CNTNAP2: variants seen among roughly 807,000 people sequenced by gnomAD.
CNTNAP2 encodes the protein contactin-associated protein-like 2.
In CNTNAP2, 98 loss-of-function variants were observed where a neutral mutation model predicts 155.2. That is an observed-to-expected ratio of 0.63 (90% confidence interval 0.54 to 0.75). CNTNAP2 has a LOEUF of 0.75. CNTNAP2 is among the 30% of genes least tolerant of loss of function. CNTNAP2 has a pLI of 0.00. For synonymous variants in CNTNAP2, 651 were observed against 631.2 expected (o/e 1.03, Z -0.47); for missense variants, 1,727 against 1,688.1 (o/e 1.02, Z -0.40).
chr7:146,686,356 T>C (rs1800599372), intron 1 of CNTNAP2, among the ~76,000 whole-genome samples: 1 of 152,160 alleles, frequency 6.6e-6, no homozygotes, highest in Admixed American at 6.5e-5. Flanking sequence ...CGATTGTACG[T>C]AGCCTGTATG....
chr7:147,781,762 G>GC (rs1467455802), intron 13 of CNTNAP2, among the ~76,000 whole-genome samples: 2 of 152,174 alleles, frequency 1.3e-5, no homozygotes, highest in Non-Finnish European at 2.9e-5. Context: ...GGTGGCTCAC[G>GC]CCGGTAATCC....
chr7:147,233,139 G>T (rs1418447926), intron 8 of CNTNAP2, among the ~76,000 whole-genome samples: 1 of 152,136 alleles, frequency 6.6e-6, no homozygotes, highest in East Asian at 1.9e-4. Flanking sequence ...TTTATAAACA[G>T]ATGACTTAAA....
intron 13 of CNTNAP2, among the ~76,000 whole-genome samples, chr7:147,875,559 T>A (rs1167690930): frequency 6.6e-6 from 1 of 152,010 alleles, no homozygotes; most frequent in Non-Finnish European, 1.5e-5. Context: ...ATGCTTCCAG[T>A]GAATAGACCT....
intron 8 of CNTNAP2, among the ~76,000 whole-genome samples, chr7:147,133,995 G>A (rs1801429177): frequency 6.6e-6 from 1 of 151,954 alleles, no homozygotes; most frequent in African/African-American, 2.4e-5. Context: ...CAGAAAAACA[G>A]ATAAAACAAA....
intron 1 of CNTNAP2, among the ~76,000 whole-genome samples, chr7:146,494,973 A>G (rs763103553): frequency 2.6e-5 from 4 of 152,258 alleles, no homozygotes; most frequent in Non-Finnish European, 5.9e-5. Flanking sequence ...AAACAAGATT[A>G]GTGATTCCCA....
In CNTNAP2 at chr7:146,182,192, A is replaced by T. The variant is rs573391543; in HGVS notation, c.97+65219A>T. ...AACTGGAGAGGAAATATGAATGAGA[A>T]TAACTGTGTACTTGTGTGAGAAAAA... is the stretch of plus-strand genomic sequence containing the variant. On this transcript the variant is annotated intron_variant, in intron 1 of 23. Coordinates refer to ENST00000361727, the MANE Select transcript of CNTNAP2 (RefSeq NM_014141.6). Among the ~76,000 whole-genome samples, 310 of 152,284 alleles carry T rather than the reference A, an allele frequency of 2.0e-3. No individual in the cohort carries two copies. The Middle Eastern group carries it at 0.024, about 12-fold the overall frequency.
chr7:147,493,001 TA>T lies in CNTNAP2; in HGVS notation c.1777+6968del, dbSNP rs756449677. On this transcript the variant is annotated intron_variant, in intron 11 of 23. Coordinates refer to ENST00000361727, the MANE Select transcript of CNTNAP2 (RefSeq NM_014141.6). ...ATGTACCCCAGAACTTAAAGTATAA[TA>T]AAAAAAAGTGCTTTTTAAATTCAGA... Among the ~76,000 whole-genome samples, 89 of 152,060 alleles carry T rather than the reference TA, an allele frequency of 5.9e-4. 1 individual carries two copies. The highest frequency in any genetic ancestry group is 4.4e-3 in the South Asian group (21 of 4,818).
At chr7:147,609,987 G>GTGGTAC (rs1437322713) in intron 12 of CNTNAP2, among the ~76,000 whole-genome samples, 1 of 152,142 alleles carries the variant, frequency 6.6e-6, no homozygotes, top group East Asian at 1.9e-4. Context: ...TGTCGTGGTG[G>GTGGTAC]TGGTACTGGT....
chr7:147,886,841 A>G (rs557696901), intron 13 of CNTNAP2, among the ~76,000 whole-genome samples: 1 of 152,276 alleles, frequency 6.6e-6, no homozygotes, highest in South Asian at 2.1e-4. Flanking sequence ...TCTCCTACTG[A>G]CATTTCTTTC....
At chr7:146,864,850 G>C (rs1795170835) in intron 3 of CNTNAP2, among the ~76,000 whole-genome samples, 1 of 151,224 alleles carries the variant, frequency 6.6e-6, no homozygotes, top group South Asian at 2.1e-4. Context: ...AACCTGCAGG[G>C]TGGCAGGCTC....
chr7:146,544,015 G>A (rs191297106), intron 1 of CNTNAP2, among the ~76,000 whole-genome samples: 1 of 151,922 alleles, frequency 6.6e-6, no homozygotes, highest in Non-Finnish European at 1.5e-5. Context: ...ACAAATATGT[G>A]GGCTGCTGAC....
rs11975361 is a variant in CNTNAP2 at position 146,390,991 on chromosome 7, T to A, written c.97+274018T>A. Among the ~76,000 whole-genome samples the A allele has an allele frequency of 2.0e-5, 3 of 146,776 alleles. No individual in the cohort carries two copies. In the Admixed American group the frequency reaches 2.1e-4, roughly 10 times the overall value. On this transcript the variant is annotated intron_variant, in intron 1 of 23. Coordinates refer to ENST00000361727, the MANE Select transcript of CNTNAP2 (RefSeq NM_014141.6). ...CTGAGGCAGGAGAATTGCTTGAACC[T>A]GGCAGGCAGAGATTACAGTGAGCCG...
chr7:147,275,795 G>A (rs1804882719), intron 8 of CNTNAP2, among the ~76,000 whole-genome samples: 1 of 152,078 alleles, frequency 6.6e-6, no homozygotes, highest in African/African-American at 2.4e-5. Flanking sequence ...GATGTTGGCT[G>A]TGAGTTTGTC....
At chr7:146,652,327 A>T (rs1799928325) in intron 1 of CNTNAP2, among the ~76,000 whole-genome samples, 1 of 152,168 alleles carries the variant, frequency 6.6e-6, no homozygotes, top group South Asian at 2.1e-4. Context: ...TTTGGGAAAT[A>T]GACCTACGAC....
At chr7:146,873,242 C>T (rs1022945348) in intron 3 of CNTNAP2, among the ~76,000 whole-genome samples, 11 of 142,236 alleles carry the variant, frequency 7.7e-5, no homozygotes, top group African/African-American at 3.0e-4. Context: ...CCCATCTCCA[C>T]CCACACGTCT....
At chr7:146,811,300 C>T (rs530317731) in intron 2 of CNTNAP2, among the ~76,000 whole-genome samples, 72 of 152,252 alleles carry the variant, frequency 4.7e-4, no homozygotes, top group African/African-American at 1.6e-3. Flanking sequence ...GTTTTAATTA[C>T]TGATTTAATC....
intron 1 of CNTNAP2, among the ~76,000 whole-genome samples, chr7:146,163,130 C>T (rs536048972): frequency 2.0e-4 from 31 of 152,122 alleles, no homozygotes; most frequent in South Asian, 1.2e-3. Flanking sequence ...ACGTTGTGCA[C>T]ATGTACCCTA....
intron 13 of CNTNAP2, among the ~76,000 whole-genome samples, chr7:147,690,741 A>T (rs1017609487): frequency 6.6e-6 from 1 of 151,504 alleles, no homozygotes; most frequent in African/African-American, 2.4e-5. Flanking sequence ...TAAAACTTTT[A>T]AAGTTTTTCT....
chr7:146,222,269 AG>A, intron 1 of CNTNAP2, among the ~76,000 whole-genome samples: 1 of 152,214 alleles, frequency 6.6e-6, no homozygotes, highest in East Asian at 1.9e-4. Context: ...GACAAGAGAA[AG>A]GATACTTTGT....
Sources: allele counts gnomAD v4.1 joint callset (sites outside exome capture counted in the v4.1 genomes callset), GRCh38; gene constraint gnomAD v4.1.1; transcripts MANE v1.5; gene names NCBI Gene and HGNC (gene_info 2026-07-23, HGNC 2026-07-21).